Variants in GRIK4 observed in about 807,000 individuals in gnomAD.
The protein encoded by GRIK4 is glutamate ionotropic receptor kainate type subunit 4, also known as glutamate receptor ionotropic, kainate 4.
In GRIK4, 40 loss-of-function variants were observed where a neutral mutation model predicts 104.9. The ratio of observed to expected loss-of-function variants is 0.38; its 90% CI spans 0.30 to 0.50. The LOEUF is 0.50. GRIK4 is among the 20% of genes least tolerant of loss of function. GRIK4 has a pLI of 0.93. For missense variants in GRIK4, 1,047 were observed against 1,308.1 expected (o/e 0.80, Z 3.08); for synonymous variants, 485 against 524.9 (o/e 0.92, Z 1.04).
At chr11:120,732,832 C>G (rs1392579993) in intron 3 of GRIK4, among the ~76,000 whole-genome samples, 1 of 152,192 alleles carries the variant, frequency 6.6e-6, no homozygotes, top group Non-Finnish European at 1.5e-5. Context: ...ATGAAATGTT[C>G]TGTAAATATC....
intron 1 of GRIK4, among the ~76,000 whole-genome samples, chr11:120,540,388 A>AG (rs1230169010): frequency 7.9e-5 from 12 of 152,148 alleles, no homozygotes; most frequent in South Asian, 4.1e-4. Context: ...TGGGAGGCTG[A>AG]GGGGGGCGAA....
chr11:120,925,951 G>A (rs1416811010), intron 13 of GRIK4, among the ~76,000 whole-genome samples: 1 of 147,496 alleles, frequency 6.8e-6, no homozygotes, highest in Non-Finnish European at 1.5e-5. Flanking sequence ...TCCAGCCTGG[G>A]CATCAGAGCG....
rs1947687908 is a variant in GRIK4 at position 120,513,672 on chromosome 11, C to T, written c.-159+1785C>T. 6.6e-6 allele frequency among the ~76,000 whole-genome samples: 1 copy of T among 152,172 alleles called. No individual in the cohort carries two copies. Among genetic ancestry groups the T allele is most frequent in the African/African-American group, 2.4e-5 (1 of 41,430 alleles). On this transcript the variant is annotated intron_variant, in intron 1 of 20. Transcript: ENST00000527524. This position sits in a 1 kb window ranked among gnomAD's most constrained non-coding sequence, Gnocchi z 4.5. ...TTTTGTTCATTCCTTGTGGCCCGGG[C>T]TTGCCCACCAGCCTCCCGCCTGCCT...
At chr11:120,916,409 C>T (rs919990068) in intron 13 of GRIK4, among the ~76,000 whole-genome samples, 1 of 152,158 alleles carries the variant, frequency 6.6e-6, no homozygotes, top group African/African-American at 2.4e-5. Context: ...ACTTCTGAAT[C>T]GGGACAACCA....
intron 2 of GRIK4, among the ~76,000 whole-genome samples, chr11:120,655,849 C>T (rs115858321): frequency 0.014 from 2,105 of 152,134 alleles, 60 homozygotes; most frequent in African/African-American, 0.047. Flanking sequence ...GAGCAGGTGG[C>T]GGGCTTGGTG....
At chr11:120,870,364 A>C (rs936619719) in intron 9 of GRIK4, 2 of 152,142 alleles carry the variant, frequency 1.3e-5, no homozygotes, top group African/African-American at 4.8e-5. Context: ...AGGACAAACA[A>C]CCAGTCTTTC....
chr11:120,620,401 C>G (rs1401291833), intron 1 of GRIK4: 2 of 536,172 alleles, frequency 3.7e-6, no homozygotes, highest in African/African-American at 3.8e-5. Flanking sequence ...TGCCCCGTAG[C>G]TACCATAACC....
chr11:120,655,771 C>T (rs536706968), intron 2 of GRIK4, among the ~76,000 whole-genome samples: 57 of 152,276 alleles, frequency 3.7e-4, no homozygotes, highest in African/African-American at 1.3e-3. Flanking sequence ...TAGGGTAACT[C>T]TCAGCCTTGT....
At chr11:120,717,504 C>G (rs1220790514) in intron 3 of GRIK4, among the ~76,000 whole-genome samples, 3 of 151,986 alleles carry the variant, frequency 2.0e-5, no homozygotes, top group Non-Finnish European at 2.9e-5. Flanking sequence ...CACACATGTC[C>G]CAGCCTGCAT....
At chr11:120,871,995 G>T (rs1382852096) in intron 9 of GRIK4, 2 of 443,356 alleles carry the variant, frequency 4.5e-6, no homozygotes, top group African/African-American at 4.0e-5. Context: ...AACTGGGTAG[G>T]AAATAAGCCC....
At chr11:120,907,989 G>T (rs1942907079) in intron 13 of GRIK4, among the ~76,000 whole-genome samples, 1 of 152,168 alleles carries the variant, frequency 6.6e-6, no homozygotes, top group South Asian at 2.1e-4. Flanking sequence ...TAGCCCTCAG[G>T]CCTGGATCCC....
At chr11:120,804,158 A>T (rs984239467) in intron 4 of GRIK4, among the ~76,000 whole-genome samples, 1 of 152,240 alleles carries the variant, frequency 6.6e-6, no homozygotes, top group Non-Finnish European at 1.5e-5. Context: ...AATCAGAGAT[A>T]ATAGTATCTA....
At chr11:120,911,893 A>C (rs1240157121) in intron 13 of GRIK4, among the ~76,000 whole-genome samples, 3 of 151,962 alleles carry the variant, frequency 2.0e-5, no homozygotes, top group Admixed American at 2.0e-4. Flanking sequence ...ACGGAGGTAG[A>C]CATGCTTTTT....
intron 1 of GRIK4, among the ~76,000 whole-genome samples, chr11:120,652,130 G>A (rs182600561): frequency 2.4e-4 from 36 of 152,294 alleles, no homozygotes; most frequent in African/African-American, 7.5e-4. Flanking sequence ...TATCTGCTTC[G>A]CAGGGTTCTC....
intron 1 of GRIK4, among the ~76,000 whole-genome samples, chr11:120,582,260 AGTATGTATATATATACATATACATTATAC>A (rs1365809155): frequency 1.3e-5 from 2 of 150,406 alleles, no homozygotes; most frequent in African/African-American, 2.4e-5. Flanking sequence ...TTTTTTAAAT[AGTATGTATATATATACATATACATTATAC>A]GTATGTATAT....
chr11:120,623,495 A>G (rs1017526434), intron 1 of GRIK4, among the ~76,000 whole-genome samples: 4 of 152,118 alleles, frequency 2.6e-5, no homozygotes, highest in African/African-American at 9.7e-5. Flanking sequence ...CTGACACAAG[A>G]TGTCACAGGC....
chr11:120,617,371 TTTATC>T (rs1949130105), intron 1 of GRIK4, among the ~76,000 whole-genome samples: 1 of 151,922 alleles, frequency 6.6e-6, no homozygotes, highest in African/African-American at 2.4e-5. Flanking sequence ...TTTATTTTAT[TTTATC>T]TTATTTATTT....
intron 13 of GRIK4, among the ~76,000 whole-genome samples, chr11:120,907,778 G>C (rs1942901717): frequency 6.6e-6 from 1 of 152,148 alleles, no homozygotes; most frequent in African/African-American, 2.4e-5. Flanking sequence ...GGGGCTGTAG[G>C]GGGAAGGCTT....
chr11:120,724,661 A>G (rs1051869912), intron 3 of GRIK4, among the ~76,000 whole-genome samples: 1 of 152,224 alleles, frequency 6.6e-6, no homozygotes, highest in African/African-American at 2.4e-5. Flanking sequence ...ACCTGTTTAT[A>G]AATGTCTAAG....
Sources: gnomAD v4.1 joint callset for allele counts (sites outside exome capture counted in the v4.1 genomes callset) on GRCh38, gnomAD v4.1.1 for gene constraint, Gnocchi (gnomAD v3.1) non-coding constraint, MANE v1.5 for transcripts, NCBI Gene and HGNC (gene_info 2026-07-23, HGNC 2026-07-21) for gene names.